Variants in NTM observed in about 807,000 individuals in gnomAD.
The protein encoded by NTM is IgLON family member 2.
Under a neutral mutation model 42.1 loss-of-function variants are expected in NTM, and 13 were observed. The ratio of observed to expected loss-of-function variants is 0.31; its 90% CI spans 0.20 to 0.49. The LOEUF (loss-of-function observed/expected upper bound fraction) is 0.49, where lower values mean the gene tolerates loss of function less well. Ranked by LOEUF, NTM falls within the 20% of genes least tolerant of loss-of-function variation. The probability of loss-of-function intolerance (pLI) is 0.99; values close to 1 mark genes in which losing one functional copy is unlikely to be tolerated. For missense variants in NTM, 373 were observed against 452.8 expected (o/e 0.82, Z 1.60); for synonymous variants, 187 against 179.2 (o/e 1.04, Z -0.35).
intron 1 of NTM, among the ~76,000 whole-genome samples, chr11:131,581,276 T>C (rs538688303): frequency 5.2e-4 from 79 of 152,284 alleles, no homozygotes; most frequent in African/African-American, 1.9e-3. Context: ...TCTCCAAATG[T>C]GTAGATACTG....
At chr11:132,211,706 C>T (rs148708872) in intron 3 of NTM, 152 of 241,246 alleles carry the variant, frequency 6.3e-4, no homozygotes, top group African/African-American at 3.3e-3. Context: ...GAGGATGGCT[C>T]GTGGATATGT....
intron 1 of NTM, among the ~76,000 whole-genome samples, chr11:131,635,327 G>A (rs764452753): frequency 6.6e-6 from 1 of 152,120 alleles, no homozygotes; most frequent in Non-Finnish European, 1.5e-5. Flanking sequence ...CCTTCCAGTG[G>A]GATGAGACGT....
At chr11:131,905,014 T>C (rs1020913839) in intron 1 of NTM, among the ~76,000 whole-genome samples, 14 of 152,216 alleles carry the variant, frequency 9.2e-5, no homozygotes, top group African/African-American at 3.4e-4. Flanking sequence ...GTTCTCTGCA[T>C]GAATGTTACC....
chr11:132,170,750 C>T (rs183474609), intron 3 of NTM, among the ~76,000 whole-genome samples: 41 of 152,212 alleles, frequency 2.7e-4, no homozygotes, highest in African/African-American at 9.6e-4. Context: ...GGTGGGATAC[C>T]TAGCATTGGA....
intron 7 of NTM, among the ~76,000 whole-genome samples, chr11:132,316,176 AT>A (rs2095424583): frequency 7.3e-6 from 1 of 136,918 alleles, no homozygotes; most frequent in Non-Finnish European, 1.5e-5. Flanking sequence ...TGGTTCAGCC[AT>A]TGGCTTTATC....
intron 4 of NTM, among the ~76,000 whole-genome samples, chr11:132,257,041 C>G (rs987377203): frequency 6.6e-6 from 1 of 152,232 alleles, no homozygotes; most frequent in African/African-American, 2.4e-5. Flanking sequence ...CAAAGCAACT[C>G]GCTGGCAAAG....
chr11:131,645,826 T>A (rs1218999438), intron 1 of NTM, among the ~76,000 whole-genome samples: 1 of 152,170 alleles, frequency 6.6e-6, no homozygotes, highest in Non-Finnish European at 1.5e-5. Flanking sequence ...ATGGAGCATA[T>A]GGAATGGATG....
intron 1 of NTM, among the ~76,000 whole-genome samples, chr11:131,752,992 C>G (rs2082766807): frequency 6.6e-6 from 1 of 152,136 alleles, no homozygotes; most frequent in African/African-American, 2.4e-5. Context: ...ACCTACCCAT[C>G]TGACAAAGGG....
At chr11:132,296,606 A>G (rs1355346567) in intron 4 of NTM, among the ~76,000 whole-genome samples, 1 of 152,188 alleles carries the variant, frequency 6.6e-6, no homozygotes, top group Non-Finnish European at 1.5e-5. Context: ...CTGAGGATTC[A>G]GGAGTTCTGT....
chr11:131,593,140 C>T (rs2059528228), intron 1 of NTM, among the ~76,000 whole-genome samples: 1 of 152,174 alleles, frequency 6.6e-6, no homozygotes, highest in African/African-American at 2.4e-5. Context: ...TCTCCCTCTC[C>T]ACTCAATAGA....
chr11:132,020,565 C>T (rs2074183351), intron 2 of NTM, among the ~76,000 whole-genome samples: 1 of 151,880 alleles, frequency 6.6e-6, no homozygotes, highest in Non-Finnish European at 1.5e-5. Flanking sequence ...TCACAATCTA[C>T]TTTAGATTGA....
At chr11:131,449,201 G>A (rs1298784921) in intron 1 of NTM, among the ~76,000 whole-genome samples, 1 of 152,156 alleles carries the variant, frequency 6.6e-6, no homozygotes, top group Non-Finnish European at 1.5e-5. Flanking sequence ...TGGAGCTGCC[G>A]TGCAGTAACT....
At chr11:132,193,076 C>G (rs2079572585) in intron 3 of NTM, among the ~76,000 whole-genome samples, 1 of 152,202 alleles carries the variant, frequency 6.6e-6, no homozygotes, top group Non-Finnish European at 1.5e-5. Context: ...ACCCCACTGA[C>G]AGCATTAGAC....
intron 8 of NTM, 50 bp from the exon 9 acceptor site, chr11:132,334,996 T>C (rs780753527): frequency 6.3e-7 from 1 of 1,592,418 alleles, no homozygotes; most frequent in Non-Finnish European, 8.6e-7. Context: ...CACCGGGCTT[T>C]CCTTCCATTT....
intron 1 of NTM, among the ~76,000 whole-genome samples, chr11:131,463,721 G>T (rs1591743209): frequency 6.6e-6 from 1 of 152,092 alleles, no homozygotes; most frequent in East Asian, 1.9e-4. Flanking sequence ...GCTTCCTGAC[G>T]CTTCTTCATT....
rs550375610 is a variant in NTM at position 131,480,720 on chromosome 11, G to C, written c.82+109832G>C. ...AGGGCATCTAGCCATTCCTGAGTAA[G>C]GGGGCGTGGGAGGTAACCGTGGTCT... On this transcript the variant is annotated intron_variant, in intron 1 of 8. Transcript: ENST00000683400. 2.0e-5 allele frequency among the ~76,000 whole-genome samples: 3 copies of C among 152,240 alleles called. No individual in the cohort carries two copies. In the South Asian group the frequency reaches 6.2e-4, roughly 32 times the overall value.
intron 3 of NTM, among the ~76,000 whole-genome samples, chr11:132,179,422 C>T (rs571072882): frequency 3.3e-5 from 5 of 152,004 alleles, no homozygotes; most frequent in East Asian, 1.9e-4. Flanking sequence ...CTCTGGTGTA[C>T]GTGTGTGTGG....
chr11:131,723,429 T>C (rs1196136977), intron 1 of NTM, among the ~76,000 whole-genome samples: 2 of 152,260 alleles, frequency 1.3e-5, no homozygotes, highest in African/African-American at 4.8e-5. Flanking sequence ...CTATATGGTA[T>C]GTGCAGCATG....
chr11:132,181,955 T>TTTACTA (rs2077639644), intron 3 of NTM, among the ~76,000 whole-genome samples: 1 of 141,018 alleles, frequency 7.1e-6, no homozygotes, highest in Non-Finnish European at 1.5e-5. Flanking sequence ...CACTATCTAG[T>TTTACTA]TTATTATTAT....
Sources: allele counts gnomAD v4.1 joint callset (sites outside exome capture counted in the v4.1 genomes callset), GRCh38; gene constraint gnomAD v4.1.1; transcripts MANE v1.5; gene names NCBI Gene and HGNC (gene_info 2026-07-23, HGNC 2026-07-21).